SERPINI1: variants seen among roughly 807,000 people sequenced by gnomAD.
The protein encoded by SERPINI1 is serpin family I member 1.
SERPINI1 carries 19 observed loss-of-function variants against 41.1 expected under a neutral mutation model. The ratio of observed to expected loss-of-function variants is 0.46; its 90% CI spans 0.32 to 0.68. The LOEUF is 0.68. Ranked by LOEUF, SERPINI1 falls within the 30% of genes least tolerant of loss-of-function variation. The pLI is 0.03. For synonymous variants in SERPINI1, 138 were observed against 156.6 expected (o/e 0.88, Z 0.89); for missense variants, 460 against 479.2 (o/e 0.96, Z 0.37).
chr3:167,758,829 G>C (rs1449284341), intron 1 of SERPINI1, among the ~76,000 whole-genome samples: 1 of 152,138 alleles, frequency 6.6e-6, no homozygotes, highest in Non-Finnish European at 1.5e-5. Context: ...TTAACATTTA[G>C]AGAAACTGAA....
At chr3:167,818,604 T>C (rs997564867) in intron 6 of SERPINI1, among the ~76,000 whole-genome samples, 1 of 152,134 alleles carries the variant, frequency 6.6e-6, no homozygotes. Flanking sequence ...TCCAGTTCAT[T>C]ATCTTTTAAA....
intron 1 of SERPINI1, 50 bp downstream of exon 1, chr3:167,735,873 T>C (rs1172448610): frequency 6.6e-6 from 1 of 152,186 alleles, no homozygotes; most frequent in Non-Finnish European, 1.5e-5. Context: ...GGAGAAAACG[T>C]CTTCCAATAG....
At chr3:167,772,960 A>G (rs1196346544) in intron 1 of SERPINI1, among the ~76,000 whole-genome samples, 2 of 122,342 alleles carry the variant, frequency 1.6e-5, no homozygotes, top group African/African-American at 6.9e-5. Flanking sequence ...ATATATATGT[A>G]TATGTGTGTA....
chr3:167,794,768 G>T lies in SERPINI1; in HGVS notation c.825G>T (p.Leu275=), dbSNP rs749633507. The stretch of plus-strand genomic sequence containing the variant: ...TGGAGCCATTAGTCAAAGCACAGCT[G>T]GTTGAAGAATGGGCAAACTCTGTGA... ...ATLEPLVKAQ[L]VEEWANSVKK... The change falls in exon 5 of 9, where the codon CTG becomes CTT. Residue 275 remains leucine (L), a synonymous_variant. Coordinates refer to ENST00000446050, the MANE Select transcript of SERPINI1 (RefSeq NM_001122752.2). 1 of 1,613,662 alleles carries T rather than the reference G, an allele frequency of 6.2e-7. No individual in the cohort carries two copies. The highest frequency in any genetic ancestry group is 1.3e-5 in the African/African-American group (1 of 75,000).
At chr3:167,757,537 A>G (rs561080090) in intron 1 of SERPINI1, among the ~76,000 whole-genome samples, 1 of 151,994 alleles carries the variant, frequency 6.6e-6, no homozygotes, top group South Asian at 2.1e-4. Context: ...CACACAAAAT[A>G]TATATTACAC....
chr3:167,760,891 C>T (rs1342969830), intron 1 of SERPINI1, among the ~76,000 whole-genome samples: 2 of 152,126 alleles, frequency 1.3e-5, no homozygotes, highest in African/African-American at 2.4e-5. Flanking sequence ...TGATTATTTT[C>T]TGCAGGGTGG....
intron 6 of SERPINI1, among the ~76,000 whole-genome samples, chr3:167,812,816 C>T (rs905756783): frequency 1.3e-5 from 2 of 152,146 alleles, no homozygotes; most frequent in Non-Finnish European, 2.9e-5. Flanking sequence ...ATACAATAAA[C>T]ATGGATTATA....
At chr3:167,747,645 A>AAAC (rs148708499) in intron 1 of SERPINI1, among the ~76,000 whole-genome samples, 35,930 of 151,780 alleles carry the variant, frequency 0.24, 4,441 homozygotes, top group Non-Finnish European at 0.26. Flanking sequence ...CTACGTCTCA[A>AAAC]AACAACAACA....
chr3:167,760,731 T>C (rs1726350492), intron 1 of SERPINI1, among the ~76,000 whole-genome samples: 1 of 152,160 alleles, frequency 6.6e-6, no homozygotes, highest in Admixed American at 6.5e-5. Flanking sequence ...AACTTGTCCT[T>C]TCCTTCATTG....
intron 1 of SERPINI1, among the ~76,000 whole-genome samples, chr3:167,742,368 T>C (rs1327679651): frequency 6.6e-6 from 1 of 152,198 alleles, no homozygotes; most frequent in Non-Finnish European, 1.5e-5. Flanking sequence ...GATTTATTTT[T>C]CCAGAACAAG....
intron 4 of SERPINI1, 30 bp from the exon 5 acceptor site, chr3:167,794,590 C>A (rs758313113): frequency 6.3e-7 from 1 of 1,593,234 alleles, no homozygotes; most frequent in South Asian, 1.1e-5. Flanking sequence ...CTTTGATAGG[C>A]ATCTTTTATG....
At chr3:167,763,070 G>A (rs907091337) in intron 1 of SERPINI1, among the ~76,000 whole-genome samples, 2 of 152,034 alleles carry the variant, frequency 1.3e-5, no homozygotes, top group Non-Finnish European at 2.9e-5. Flanking sequence ...GTGTAAGTAG[G>A]GAAAATATAC....
At chr3:167,794,175 T>A (rs1727636196) in intron 4 of SERPINI1, among the ~76,000 whole-genome samples, 1 of 151,720 alleles carries the variant, frequency 6.6e-6, no homozygotes, top group South Asian at 2.1e-4. Context: ...ATGCTACACT[T>A]CAGATATATT....
chr3:167,755,499 A>G (rs1339589915), intron 1 of SERPINI1, among the ~76,000 whole-genome samples: 1 of 152,210 alleles, frequency 6.6e-6, no homozygotes, highest in East Asian at 1.9e-4. Flanking sequence ...ATACTTTGTA[A>G]AAATATTTGT....
intron 1 of SERPINI1, among the ~76,000 whole-genome samples, chr3:167,759,142 A>C (rs1559997726): frequency 6.6e-6 from 1 of 152,026 alleles, no homozygotes; most frequent in African/African-American, 2.4e-5. Flanking sequence ...TTTCATTCTC[A>C]TAACTACTTT....
intron 1 of SERPINI1, among the ~76,000 whole-genome samples, chr3:167,782,408 C>A (rs1727161943): frequency 6.6e-6 from 1 of 152,146 alleles, no homozygotes; most frequent in South Asian, 2.1e-4. Flanking sequence ...TACCCCTGGG[C>A]TCAAAGTAGA....
At chr3:167,813,993 C>A (rs1350832392) in intron 6 of SERPINI1, among the ~76,000 whole-genome samples, 1 of 152,174 alleles carries the variant, frequency 6.6e-6, no homozygotes, top group Non-Finnish European at 1.5e-5. Flanking sequence ...CCCTTTATTT[C>A]TTCCAGTGGC....
chr3:167,818,174 C>T (rs7640542), intron 6 of SERPINI1, among the ~76,000 whole-genome samples: 46,054 of 151,722 alleles, frequency 0.3, 8,858 homozygotes, highest in African/African-American at 0.55. Context: ...CACAGGCACA[C>T]GCCATCACGC....
intron 1 of SERPINI1, among the ~76,000 whole-genome samples, chr3:167,763,952 C>T (rs1282461893): frequency 3.3e-5 from 5 of 152,002 alleles, no homozygotes; most frequent in South Asian, 4.2e-4. Flanking sequence ...GAACTTTTGC[C>T]TCACATTAAT....
Sources: gnomAD v4.1 joint callset for allele counts (sites outside exome capture counted in the v4.1 genomes callset) on GRCh38, gnomAD v4.1.1 for gene constraint, MANE v1.5 for transcripts, NCBI Gene and HGNC (gene_info 2026-07-23, HGNC 2026-07-21) for gene names.